The following PABPC4L variants were observed in gnomAD, a reference collection of about 807,000 sequenced individuals.
PABPC4L encodes the protein poly(A) binding protein cytoplasmic 4 like, also known as polyadenylate-binding protein 4-like.
For synonymous variants in PABPC4L, 169 were observed against 164.1 expected (o/e 1.03, Z -0.23); for missense variants, 452 against 451.4 (o/e 1.00, Z -0.01).
chr4:134,011,578 G>T, the PABPC4L span, among the ~76,000 whole-genome samples: 5 of 151,812 alleles, frequency 3.3e-5, no homozygotes, highest in Non-Finnish European at 5.9e-5. Context: ...CTTAATATAG[G>T]TATATTATTT....
chr4:134,000,141 G>T, the PABPC4L span, among the ~76,000 whole-genome samples: 1 of 152,050 alleles, frequency 6.6e-6, no homozygotes, highest in African/African-American at 2.4e-5. Context: ...CAAGAAAATG[G>T]AAATGAATAA....
chr4:134,050,931 T>C, the PABPC4L span, among the ~76,000 whole-genome samples: 2 of 151,418 alleles, frequency 1.3e-5, no homozygotes, highest in Non-Finnish European at 2.9e-5. Flanking sequence ...GAAAAGAGTT[T>C]TCAAAAGGGT....
At position 134,200,331 on chromosome 4, in the gene PABPC4L, T is replaced by C; in HGVS notation, c.689A>G (p.Lys230Arg). 1 of 1,595,206 alleles carries C rather than the reference T, an allele frequency of 6.3e-7. No homozygotes were observed. Among genetic ancestry groups the C allele is most frequent in the Non-Finnish European group, 8.5e-7 (1 of 1,169,646 alleles). ...ATCAAAACTCACAAAGCCAAAGCCT[T>C]TGGATTTCCCACTGGAATCTGTCAT... The part of the protein sequence containing the change: ...KVMTDSSGKS[K>R]GFGFVSFDSH... The change falls in exon 2 of 2, where the codon AAA becomes AGA. Residue 230 changes from lysine (K) to arginine (R), a missense_variant. Coordinates refer to ENST00000421491, the MANE Select transcript of PABPC4L (RefSeq NM_001114734.2).
chr4:133,981,806 T>C, the PABPC4L span, among the ~76,000 whole-genome samples: 1 of 152,044 alleles, frequency 6.6e-6, no homozygotes, highest in Non-Finnish European at 1.5e-5. Flanking sequence ...TGGAACTCTT[T>C]ATTAGTTTCA....
the PABPC4L span, among the ~76,000 whole-genome samples, chr4:134,142,678 T>C: frequency 1.3e-5 from 2 of 151,540 alleles, 1 homozygote; most frequent in Admixed American, 1.3e-4. Context: ...GCCAAATGAT[T>C]ATTGGTGTAA....
chr4:133,957,553 C>T, the PABPC4L span, among the ~76,000 whole-genome samples: 1 of 152,092 alleles, frequency 6.6e-6, no homozygotes, highest in Admixed American at 6.6e-5. Context: ...GGACAGTGGC[C>T]CTCTTCTTAC....
At chr4:134,003,458 C>T in the PABPC4L span, among the ~76,000 whole-genome samples, 2 of 151,626 alleles carry the variant, frequency 1.3e-5, no homozygotes, top group Non-Finnish European at 3.0e-5. Flanking sequence ...TCTATTTTTT[C>T]CTTGTTGCAT....
downstream of PABPC4L, among the ~76,000 whole-genome samples, chr4:134,193,011 CCT>C (rs1729555073): frequency 6.6e-6 from 1 of 151,938 alleles, no homozygotes; most frequent in Non-Finnish European, 1.5e-5. Context: ...GTGGATATTA[CCT>C]CTTTAACATA....
chr4:134,040,619 A>C, the PABPC4L span, among the ~76,000 whole-genome samples: 98 of 152,340 alleles, frequency 6.4e-4, no homozygotes, highest in African/African-American at 2.3e-3. Flanking sequence ...AAACCATAAA[A>C]ACCCTAGAAG....
At chr4:134,160,560 G>A in the PABPC4L span, among the ~76,000 whole-genome samples, 29 of 152,248 alleles carry the variant, frequency 1.9e-4, no homozygotes, top group African/African-American at 5.1e-4. Context: ...ATGCCAAGAC[G>A]TTGATAAATG....
At chr4:134,063,980 T>C in the PABPC4L span, among the ~76,000 whole-genome samples, 1 of 152,074 alleles carries the variant, frequency 6.6e-6, no homozygotes, top group Non-Finnish European at 1.5e-5. Context: ...TCCTGAAAAT[T>C]ATTCCTAAAA....
chr4:134,133,004 C>G, the PABPC4L span, among the ~76,000 whole-genome samples: 2 of 117,718 alleles, frequency 1.7e-5, no homozygotes, highest in Non-Finnish European at 3.2e-5. Context: ...ATGATATATA[C>G]TATATGATAG....
chr4:133,999,683 G>GA, the PABPC4L span, among the ~76,000 whole-genome samples: 13 of 151,980 alleles, frequency 8.6e-5, no homozygotes, highest in East Asian at 2.5e-3. Context: ...AATACAAGGG[G>GA]AAAAAAGTTT....
the PABPC4L span, among the ~76,000 whole-genome samples, chr4:133,969,807 C>T: frequency 1.3e-5 from 2 of 152,100 alleles, no homozygotes; most frequent in Non-Finnish European, 2.9e-5. Flanking sequence ...ACCAAACACA[C>T]AAACAAAAAC....
chr4:134,063,206 A>G, the PABPC4L span, among the ~76,000 whole-genome samples: 1 of 152,202 alleles, frequency 6.6e-6, no homozygotes, highest in Non-Finnish European at 1.5e-5. Context: ...CTGTTCCCAT[A>G]TTGAAAGAAA....
chr4:134,166,488 G>T, the PABPC4L span, among the ~76,000 whole-genome samples: 1,372 of 152,188 alleles, frequency 9.0e-3, 12 homozygotes, highest in African/African-American at 0.032. Flanking sequence ...TTACTGACCT[G>T]GCTCTGTTGC....
the PABPC4L span, among the ~76,000 whole-genome samples, chr4:134,170,821 A>G: frequency 6.6e-6 from 1 of 152,156 alleles, no homozygotes; most frequent in Non-Finnish European, 1.5e-5. Flanking sequence ...ATATCATAGA[A>G]TGATTTCTAT....
chr4:134,170,454 A>C, the PABPC4L span, among the ~76,000 whole-genome samples: 3 of 152,144 alleles, frequency 2.0e-5, no homozygotes, highest in Non-Finnish European at 4.4e-5. Context: ...TTTATAAAGA[A>C]AATAGGTTTA....
chr4:134,108,407 A>T, the PABPC4L span, among the ~76,000 whole-genome samples: 1 of 151,864 alleles, frequency 6.6e-6, no homozygotes, highest in Non-Finnish European at 1.5e-5. Context: ...AATGTAATGA[A>T]AATGATAACC....
Sources: allele counts gnomAD v4.1 joint callset (sites outside exome capture counted in the v4.1 genomes callset), GRCh38; gene constraint gnomAD v4.1.1; transcripts MANE v1.5; gene names NCBI Gene and HGNC (gene_info 2026-07-23, HGNC 2026-07-21).